The following IDE variants were observed in gnomAD, a reference collection of about 807,000 sequenced individuals.
IDE encodes the protein insulin-degrading enzyme.
IDE carries 58 observed loss-of-function variants against 133.2 expected under a neutral mutation model. The observed-to-expected ratio is 0.44, with a 90% CI of 0.35 to 0.54. IDE has a LOEUF of 0.54. Among genes scored for constraint, IDE ranks in the 20% least tolerant of loss-of-function variants. IDE has a pLI of 0.00. For missense variants in IDE, 981 were observed against 1,234.0 expected (o/e 0.79, Z 3.07); for synonymous variants, 396 against 421.3 (o/e 0.94, Z 0.73).
At chr10:92,477,492 A>G (rs1846332870) in intron 15 of IDE, among the ~76,000 whole-genome samples, 1 of 152,234 alleles carries the variant, frequency 6.6e-6, no homozygotes, top group South Asian at 2.1e-4. Flanking sequence ...TAAATGCCTA[A>G]CATTTTGAAA....
rs1433613741 is a variant in IDE at position 92,454,337 on chromosome 10, T to C, written c.*107A>G. On this transcript the variant is annotated 3_prime_UTR_variant, in exon 25 of 25. Coordinates refer to ENST00000265986, the MANE Select transcript of IDE (RefSeq NM_004969.4). ...TGACATTTGACAATTTTTTGTTTGT[T>C]TCTCTAATAGTGAATCAGAAACTAT... The C allele has an allele frequency of 9.9e-6, 7 of 708,178 alleles. No homozygotes were observed. Among genetic ancestry groups the C allele is most frequent in the African/African-American group, 1.8e-5 (1 of 56,856 alleles). 43.9% of individuals were successfully genotyped at this position (708,178 alleles called of 1,614,324 possible). A position where few individuals can be genotyped will look rare whatever the true frequency, so the allele number is the denominator to read the frequency against.
chr10:92,542,019 T>G (rs1338509240), intron 1 of IDE, among the ~76,000 whole-genome samples: 1 of 152,086 alleles, frequency 6.6e-6, no homozygotes, highest in Non-Finnish European at 1.5e-5. Flanking sequence ...GTGTCCAGCC[T>G]CCCCTCCACA....
chr10:92,523,809 G>T (rs1485255131), intron 4 of IDE, among the ~76,000 whole-genome samples: 1 of 151,270 alleles, frequency 6.6e-6, no homozygotes, highest in African/African-American at 2.4e-5. Flanking sequence ...AGGAGTACCT[G>T]TTTTGTTGTT....
In IDE at chr10:92,484,042, T is replaced by C. The variant is rs1009693898; in HGVS notation, c.1657-705A>G. On this transcript the variant is annotated intron_variant, in intron 13 of 24. Coordinates refer to ENST00000265986, the MANE Select transcript of IDE (RefSeq NM_004969.4). ...GATGACTGAAACCTTGGCCAACAGC[T>C]TGACTATAACCTCACGACAAGCCCT... is the stretch of plus-strand genomic sequence containing the variant. Among the ~76,000 whole-genome samples, 2 of 152,162 alleles carry C rather than the reference T, an allele frequency of 1.3e-5. 1 individual carries two copies. The highest frequency in any genetic ancestry group is 4.8e-5 in the African/African-American group (2 of 41,434).
rs372615598 is a variant in IDE at position 92,504,896 on chromosome 10, T to C, written c.1328A>G (p.Tyr443Cys). ...YTSKIAGILH[Y>C]YPLEEVLTAE... ...TGTGAGCACCTCTTCTAGGGGATAA[T>C]ACTTTTAAAAAGGAAAATATAAATA... The change falls in exon 11 of 25, where the codon TAT (tyrosine) becomes TGT (cysteine). Residue 443 changes from tyrosine (Y) to cysteine (C), a missense_variant and splice_region_variant. Transcript: ENST00000265986. 3.2e-5 allele frequency: 47 copies of C among 1,451,028 alleles called. No homozygotes were observed. In the African/African-American group the frequency reaches 6.6e-4, roughly 20 times the overall value. 89.9% of individuals were successfully genotyped at this position (1,451,028 alleles called of 1,614,324 possible).
chr10:92,552,568 T>C (rs113915902), intron 1 of IDE, among the ~76,000 whole-genome samples: 39 of 152,082 alleles, frequency 2.6e-4, no homozygotes, highest in African/African-American at 8.7e-4. Context: ...TCTGCGAAGA[T>C]TATTTTCTGC....
At chr10:92,541,021 C>A (rs1842278810) in intron 1 of IDE, among the ~76,000 whole-genome samples, 1 of 152,096 alleles carries the variant, frequency 6.6e-6, no homozygotes, top group South Asian at 2.1e-4. Context: ...GATTAATATT[C>A]CTGATATGGT....
intron 15 of IDE, 84 bp from the exon 16 acceptor site, chr10:92,476,078 G>C: frequency 6.1e-6 from 4 of 658,798 alleles, no homozygotes; most frequent in Non-Finnish European, 1.1e-5. Flanking sequence ...TAAACATGTA[G>C]AAAATCCCAA....
intron 5 of IDE, among the ~76,000 whole-genome samples, chr10:92,510,718 A>T (rs185048628): frequency 2.7e-4 from 41 of 151,640 alleles, no homozygotes; most frequent in African/African-American, 9.9e-4. Flanking sequence ...GATATATATC[A>T]CATACATCTC....
At chr10:92,515,104 T>A (rs1848833588) in intron 4 of IDE, 62 bp from the exon 5 acceptor site, 1 of 1,294,500 alleles carries the variant, frequency 7.7e-7, no homozygotes, top group Non-Finnish European at 1.1e-6. Flanking sequence ...TAAAGTTTTG[T>A]AATTATCACT....
At chr10:92,517,085 T>C (rs556579481) in intron 4 of IDE, among the ~76,000 whole-genome samples, 5 of 152,080 alleles carry the variant, frequency 3.3e-5, no homozygotes, top group Non-Finnish European at 5.9e-5. Context: ...TATGGTAGAG[T>C]ATGTTCTTGA....
rs867740374 is a variant in IDE, at chr10:92,485,864, C to A, written c.1656+1332G>T. On this transcript the variant is annotated intron_variant, in intron 13 of 24. Transcript: ENST00000265986. ...GGCTGAGGCCAGAAGATGGTTTGAACCCAGGAGTTTGAGGCTGCAGTGAGC... is the reference window on the plus strand; with the variant it reads ...GGCTGAGGCCAGAAGATGGTTTGAAACCAGGAGTTTGAGGCTGCAGTGAGC... Among the ~76,000 whole-genome samples, 87 of 151,980 alleles carry A rather than the reference C, an allele frequency of 5.7e-4. 1 individual carries two copies. Among genetic ancestry groups the A allele is most frequent in the African/African-American group, 2.1e-3 (86 of 41,360 alleles).
At position 92,524,489 on chromosome 10, in the gene IDE, TTATAA is replaced by T. The variant is rs1201771406; in HGVS notation, c.661+7254_661+7258del. Among the ~76,000 whole-genome samples, 7 of 11,816 alleles carry T rather than the reference TTATAA, an allele frequency of 5.9e-4. 2 individuals are homozygous for T. 7.8% of individuals were successfully genotyped at this position (11,816 alleles called of 152,430 possible). A position where few individuals can be genotyped will look rare whatever the true frequency, so the allele number is the denominator to read the frequency against. On this transcript the variant is annotated intron_variant, in intron 4 of 24. Coordinates refer to ENST00000265986, the MANE Select transcript of IDE (RefSeq NM_004969.4). ...TATATAATATATAATATATATTATA[TTATAA>T]TATATTTTATATAATATATAATATA...
chr10:92,517,172 T>C (rs1454563133), intron 4 of IDE, among the ~76,000 whole-genome samples: 1 of 152,162 alleles, frequency 6.6e-6, no homozygotes, highest in East Asian at 1.9e-4. Context: ...TTTCATGAAA[T>C]TGGATGTCTA....
chr10:92,571,639 C>A (rs759312603), intron 1 of IDE, among the ~76,000 whole-genome samples: 1 of 152,164 alleles, frequency 6.6e-6, no homozygotes, highest in Non-Finnish European at 1.5e-5. Flanking sequence ...GAACACAGAA[C>A]AAGGAGGTTA....
At chr10:92,500,119 G>C (rs934567534) in intron 11 of IDE, among the ~76,000 whole-genome samples, 1 of 152,036 alleles carries the variant, frequency 6.6e-6, no homozygotes, top group Non-Finnish European at 1.5e-5. Flanking sequence ...CCAACATGGA[G>C]AAACCCCGTC....
intron 1 of IDE, among the ~76,000 whole-genome samples, chr10:92,538,778 C>CCAAAAA (rs34593706): frequency 2.4e-5 from 1 of 41,558 alleles, no homozygotes; most frequent in African/African-American, 8.6e-5. Context: ...GCTTAATAGA[C>CCAAAAA]AAAAAAAAAA....
At chr10:92,530,297 AGTT>A (rs1447433607) in intron 4 of IDE, among the ~76,000 whole-genome samples, 51 of 151,024 alleles carry the variant, frequency 3.4e-4, no homozygotes, top group African/African-American at 1.1e-3. Context: ...ACAAAAAAAA[AGTT>A]GTTGTTTTTT....
intron 14 of IDE, among the ~76,000 whole-genome samples, chr10:92,482,868 C>A (rs1274950986): frequency 6.6e-6 from 1 of 151,576 alleles, no homozygotes; most frequent in African/African-American, 2.4e-5. Context: ...TGCAGCGGTG[C>A]GATCTCAGCT....
Sources: allele counts gnomAD v4.1 joint callset (sites outside exome capture counted in the v4.1 genomes callset), GRCh38; gene constraint gnomAD v4.1.1; transcripts MANE v1.5; gene names NCBI Gene and HGNC (gene_info 2026-07-23, HGNC 2026-07-21).